TM4SF18: variants seen among roughly 807,000 people sequenced by gnomAD.
TM4SF18 encodes the protein transmembrane 4 L six family member 18.
TM4SF18 carries 22 observed loss-of-function variants against 23.8 expected under a neutral mutation model. The ratio of observed to expected loss-of-function variants is 0.92; its 90% CI spans 0.66 to 1.32. The LOEUF is 1.32. TM4SF18 is among the 40% of genes most tolerant of loss of function. The pLI is 0.00. For missense variants in TM4SF18, 255 were observed against 240.3 expected, an observed-to-expected ratio of 1.06 and a Z score of -0.41; for synonymous variants, 87 against 87.9, an observed-to-expected ratio of 0.99 and a Z score of 0.06.
Position 149,333,270 on chromosome 3 carries a change from G to A in TM4SF18, c.113C>T (p.Ala38Val). Residue 38 changes from alanine to valine, a missense_variant, in exon 2 of 6, where the codon GCA becomes GTA. Coordinates refer to ENST00000296059, the MANE Select transcript of TM4SF18 (RefSeq NM_138786.4). ...GTAGTTGGTGAGTTTATTGCTGGAT[G>A]CATAGGAAGTTTGCCCATTCGGGAA... The part of the protein sequence containing the change: ...LYFPNGQTSY[A>V]SSNKLTNYVW... The A allele has an allele frequency of 6.2e-7, 1 of 1,613,878 alleles. No homozygotes were observed. The highest frequency in any genetic ancestry group is 1.1e-5 in the South Asian group (1 of 91,052).
intron 2 of TM4SF18, among the ~76,000 whole-genome samples, chr3:149,332,352 A>G (rs923977001): frequency 3.9e-5 from 6 of 152,236 alleles, no homozygotes; most frequent in Non-Finnish European, 8.8e-5. Context: ...TGGTCTGATT[A>G]GCTTACAGTC....
rs1043044693 is a variant in TM4SF18 at position 149,325,041 on chromosome 3, G to A, written c.268-19C>T. The A allele has an allele frequency of 1.2e-6, 2 of 1,610,244 alleles. No individual in the cohort carries two copies. Among genetic ancestry groups the A allele is most frequent in the Non-Finnish European group, 1.7e-6 (2 of 1,178,216 alleles). On this transcript the variant is annotated intron_variant, in intron 3 of 5. Coordinates refer to ENST00000296059, the MANE Select transcript of TM4SF18 (RefSeq NM_138786.4). ...GCAGTGTCTAAATTAAAACATAGAA[G>A]CAGGTTAGTACCATAGAATGCGACA... is the stretch of plus-strand genomic sequence containing the variant.
At position 149,324,878 on chromosome 3, in the gene TM4SF18, A is replaced by T; in HGVS notation, c.410+2T>A. The T allele has an allele frequency of 1.2e-6, 2 of 1,614,042 alleles. No individual in the cohort carries two copies. Among genetic ancestry groups the T allele is most frequent in the Non-Finnish European group, 1.7e-6 (2 of 1,179,960 alleles). On this transcript the variant is annotated splice_donor_variant, in intron 4 of 5. Coordinates refer to ENST00000296059, the MANE Select transcript of TM4SF18 (RefSeq NM_138786.4). LOFTEE classifies it high-confidence loss of function. Reference sequence around the variant, plus strand: ...TCCTTGGTTTGGGGAATTATTCCTTACCGTCCAGCAGTGCCTTCAAAAGCA... The same window carrying T: ...TCCTTGGTTTGGGGAATTATTCCTTTCCGTCCAGCAGTGCCTTCAAAAGCA...
chr3:149,332,569 A>G (rs994476202), intron 2 of TM4SF18, among the ~76,000 whole-genome samples: 2 of 152,218 alleles, frequency 1.3e-5, no homozygotes, highest in African/African-American at 4.8e-5. Flanking sequence ...TTTAATGATG[A>G]CACAGCTCAT....
intron 4 of TM4SF18, 29 bp from the exon 5 acceptor site, chr3:149,322,465 T>C: frequency 1.9e-6 from 3 of 1,593,518 alleles, no homozygotes; most frequent in Non-Finnish European, 2.6e-6. Flanking sequence ...CAAATCTACA[T>C]ACTGGGTCCA....
chr3:149,322,430 A>G lies in TM4SF18; in HGVS notation c.417T>C (p.Leu139=), dbSNP rs376085112. 21 of 1,612,890 alleles carry G rather than the reference A, an allele frequency of 1.3e-5. No individual in the cohort carries two copies. In the African/African-American group the frequency reaches 2.7e-4, roughly 21 times the overall value. ...ACTGAATCCATATGCTAGAATCTGT[A>G]AGGAAACTGAGAGAGACCCATGGCC... ...YAFEGTAGRF[L]TDSSIWIQCL... is the part of the protein sequence containing the mutation. Residue 139 remains leucine (L), a synonymous_variant, in exon 5 of 6, where the codon CTT becomes CTC. Transcript: ENST00000296059.
rs34338382 is a variant in TM4SF18 at position 149,322,905 on chromosome 3, C to CTTTTTTTTTTTTTTTTTTT, written c.411-470_411-469insAAAAAAAAAAAAAAAAAAA. The stretch of plus-strand genomic sequence containing the variant: ...GAACTTTACCCCTCTGGCCTCCAGA[C>CTTTTTTTTTTTTTTTTTTT]TTTTTTTTTTTTTTTTGAGACGGAG... On this transcript the variant is annotated intron_variant, in intron 4 of 5. Transcript: ENST00000296059. Among the ~76,000 whole-genome samples the CTTTTTTTTTTTTTTTTTTT allele has an allele frequency of 5.4e-5, 7 of 128,784 alleles. 1 individual carries two copies. Among genetic ancestry groups the CTTTTTTTTTTTTTTTTTTT allele is most frequent in the Non-Finnish European group, 1.0e-4 (6 of 58,384 alleles). 84.5% of individuals were successfully genotyped at this position (128,784 alleles called of 152,430 possible). A position where few individuals can be genotyped will look rare whatever the true frequency, so the allele number is the denominator to read the frequency against.
At chr3:149,331,018 T>A (rs547164697) in intron 2 of TM4SF18, among the ~76,000 whole-genome samples, 2 of 152,250 alleles carry the variant, frequency 1.3e-5, no homozygotes, top group Admixed American at 6.5e-5. Flanking sequence ...TTCCTTTTTT[T>A]AAATTTTATT....
chr3:149,325,268 C>T (rs1576831899), intron 3 of TM4SF18, among the ~76,000 whole-genome samples: 1 of 151,972 alleles, frequency 6.6e-6, no homozygotes, highest in African/African-American at 2.4e-5. Context: ...TTTATTCTTT[C>T]CTTGTGGAAT....
intron 3 of TM4SF18, among the ~76,000 whole-genome samples, chr3:149,328,011 TATA>T (rs144411614): frequency 0.11 from 16,954 of 152,210 alleles, 1,236 homozygotes; most frequent in Middle Eastern, 0.21. Flanking sequence ...AAAAATAAAA[TATA>T]ATAAAATATT....
chr3:149,330,314 A>T lies in TM4SF18; in HGVS notation c.267+16T>A. The T allele has an allele frequency of 6.3e-7, 1 of 1,591,730 alleles. No homozygotes were observed. Among genetic ancestry groups the T allele is most frequent in the South Asian group, 1.1e-5 (1 of 88,906 alleles). On this transcript the variant is annotated intron_variant, in intron 3 of 5. Transcript: ENST00000296059. Reference sequence around the variant, plus strand: ...GGAGCCCACTCAACCATCCTCAAAAAAACTGTTGCTCTTACCACATATTTT... The same window carrying T: ...GGAGCCCACTCAACCATCCTCAAAATAACTGTTGCTCTTACCACATATTTT...
chr3:149,329,699 C>T (rs952283867), intron 3 of TM4SF18, among the ~76,000 whole-genome samples: 1 of 152,114 alleles, frequency 6.6e-6, no homozygotes, highest in Non-Finnish European at 1.5e-5. Context: ...TTAGAAAATG[C>T]GGTTGTATTA....
intron 4 of TM4SF18, 104 bp downstream of exon 4, chr3:149,324,776 C>T: frequency 6.8e-7 from 1 of 1,464,484 alleles, no homozygotes; most frequent in Non-Finnish European, 9.4e-7. Flanking sequence ...CTAAAACAGC[C>T]ACATGGAACC....
chr3:149,325,075 T>A (rs1466267513), intron 3 of TM4SF18, 53 bp from the exon 4 acceptor site: 2 of 1,569,466 alleles, frequency 1.3e-6, no homozygotes, highest in Non-Finnish European at 1.7e-6. Flanking sequence ...CAAGGGGATA[T>A]TGTGGATAAA....
intron 3 of TM4SF18, among the ~76,000 whole-genome samples, chr3:149,326,567 T>C (rs1297395279): frequency 2.0e-5 from 3 of 152,228 alleles, no homozygotes; most frequent in Non-Finnish European, 4.4e-5. Context: ...ATGATCCTCA[T>C]ATTCATTGAT....
chr3:149,333,305 T>C lies in TM4SF18; in HGVS notation c.78A>G (p.Ile26Met). Residue 26 changes from isoleucine (I) to methionine (M), a missense_variant, in exon 2 of 6, where the codon ATA (isoleucine) becomes ATG (methionine). Transcript: ENST00000296059. ...PLALWSIIVN[I>M]LLYFPNGQTS... ...TTTGCCCATTCGGGAAATACAATAATATGTTCACGATTATACTCCAAAGTG... is the reference window on the plus strand; with the variant it reads ...TTTGCCCATTCGGGAAATACAATAACATGTTCACGATTATACTCCAAAGTG... 6.2e-7 allele frequency: 1 copy of C among 1,613,896 alleles called. No homozygotes were observed. Among genetic ancestry groups the C allele is most frequent in the South Asian group, 1.1e-5 (1 of 91,038 alleles).
intron 2 of TM4SF18, among the ~76,000 whole-genome samples, chr3:149,331,776 T>C (rs964448699): frequency 2.6e-5 from 4 of 152,360 alleles, no homozygotes; most frequent in South Asian, 2.1e-4. Context: ...TTCCCACATA[T>C]GTCTATTTGA....
chr3:149,329,511 G>T (rs1286613883), intron 3 of TM4SF18, among the ~76,000 whole-genome samples: 1 of 152,062 alleles, frequency 6.6e-6, no homozygotes, highest in Non-Finnish European at 1.5e-5. Flanking sequence ...ACTCCTCCTA[G>T]CTAATAATCA....
chr3:149,332,484 A>G (rs890196945), intron 2 of TM4SF18, among the ~76,000 whole-genome samples: 13 of 152,174 alleles, frequency 8.5e-5, no homozygotes, highest in African/African-American at 3.1e-4. Context: ...GAAAACGTTC[A>G]TGGATTCTTG....
Sources: gnomAD v4.1 joint callset for allele counts (sites outside exome capture counted in the v4.1 genomes callset) on GRCh38, gnomAD v4.1.1 for gene constraint, MANE v1.5 for transcripts, NCBI Gene and HGNC (gene_info 2026-07-23, HGNC 2026-07-21) for gene names.